Variants in OPCML observed in about 807,000 individuals in gnomAD.
The protein encoded by OPCML is opioid binding protein/cell adhesion molecule like.
OPCML carries 13 observed loss-of-function variants against 37.8 expected under a neutral mutation model. That is an observed-to-expected ratio of 0.34 (90% CI 0.22 to 0.55). The LOEUF (loss-of-function observed/expected upper bound fraction) is 0.55, where lower values mean the gene tolerates loss of function less well. Among genes scored for constraint, OPCML ranks in the 20% least tolerant of loss-of-function variants. The probability of loss-of-function intolerance (pLI) is 0.91; values close to 1 mark genes in which losing one functional copy is unlikely to be tolerated. For missense variants in OPCML, 341 were observed against 435.6 expected, an observed-to-expected ratio of 0.78 and a Z score of 1.93; for synonymous variants, 176 against 168.8, an observed-to-expected ratio of 1.04 and a Z score of -0.33.
At chr11:132,640,258 G>A (rs1940772568) in intron 3 of OPCML, among the ~76,000 whole-genome samples, 1 of 152,144 alleles carries the variant, frequency 6.6e-6, no homozygotes, top group Non-Finnish European at 1.5e-5. Flanking sequence ...CAGTGTGGGT[G>A]GGACTGCAAA....
At chr11:132,870,714 C>G (rs1422110691) in intron 2 of OPCML, among the ~76,000 whole-genome samples, 2 of 152,102 alleles carry the variant, frequency 1.3e-5, no homozygotes, top group Non-Finnish European at 2.9e-5. Flanking sequence ...GATGAAATAC[C>G]ATTTGGCCTT....
chr11:132,624,761 T>C (rs566158079), intron 3 of OPCML, among the ~76,000 whole-genome samples: 5 of 152,128 alleles, frequency 3.3e-5, no homozygotes, highest in Non-Finnish European at 7.4e-5. Context: ...TTCCTGCAGG[T>C]TACCTCATGC....
chr11:133,075,866 A>G (rs1948613522), intron 1 of OPCML, among the ~76,000 whole-genome samples: 1 of 152,202 alleles, frequency 6.6e-6, no homozygotes. Flanking sequence ...ATCTGCAGCA[A>G]TCAAACCTCC....
chr11:133,438,856 C>T (rs544389822), intron 1 of OPCML, among the ~76,000 whole-genome samples: 2 of 152,206 alleles, frequency 1.3e-5, no homozygotes, highest in Admixed American at 6.5e-5. Context: ...TCATGAAAGC[C>T]CCTAAGTATT....
chr11:132,608,642 C>T (rs1021807929), intron 3 of OPCML, among the ~76,000 whole-genome samples: 2 of 152,134 alleles, frequency 1.3e-5, no homozygotes, highest in African/African-American at 4.8e-5. Context: ...GCAAATATGA[C>T]CTGTAGCAGG....
intron 2 of OPCML, among the ~76,000 whole-genome samples, chr11:132,690,786 G>A (rs1475069507): frequency 6.6e-6 from 1 of 152,158 alleles, no homozygotes; most frequent in African/African-American, 2.4e-5. Context: ...CTAAGAAAGA[G>A]GCAGGAACTC....
chr11:132,552,528 G>T (rs950773510), intron 3 of OPCML, among the ~76,000 whole-genome samples: 1 of 152,030 alleles, frequency 6.6e-6, no homozygotes, highest in Admixed American at 6.6e-5. Flanking sequence ...TTTTTTGAAG[G>T]CAACAAATAA....
chr11:133,261,454 C>T lies in OPCML; in HGVS notation c.61+270810G>A, dbSNP rs560959516. ...TCACCTCTGCTCAGCTGGCATCAGACGAAAGAGTGGTGAGGCTGGCACATG... is the reference window on the plus strand; with the variant it reads ...TCACCTCTGCTCAGCTGGCATCAGATGAAAGAGTGGTGAGGCTGGCACATG... On this transcript the variant is annotated intron_variant, in intron 1 of 7. Coordinates refer to ENST00000524381, the MANE Select transcript of OPCML (RefSeq NM_001012393.5). Among the ~76,000 whole-genome samples, 28 of 152,276 alleles carry T rather than the reference C, an allele frequency of 1.8e-4. No homozygotes were observed. The South Asian group carries it at 4.6e-3, about 25-fold the overall frequency.
At chr11:133,413,456 T>C (rs2136873204) in intron 1 of OPCML, among the ~76,000 whole-genome samples, 1 of 151,934 alleles carries the variant, frequency 6.6e-6, no homozygotes, top group East Asian at 1.9e-4. Flanking sequence ...TGTGCACATG[T>C]ACCCTAAAAC....
chr11:133,263,410 A>G (rs1263441094), intron 1 of OPCML, among the ~76,000 whole-genome samples: 2 of 152,274 alleles, frequency 1.3e-5, no homozygotes, highest in Middle Eastern at 3.4e-3. Context: ...AGTGTTCAAT[A>G]CAGTCACTGC....
In OPCML at chr11:133,451,044, A is replaced by G. The variant is rs553214244; in HGVS notation, c.61+81220T>C. 4.6e-4 allele frequency among the ~76,000 whole-genome samples: 70 copies of G among 151,890 alleles called. 2 individuals carry two copies. Among genetic ancestry groups the G allele is most frequent in the African/African-American group, 1.6e-3 (66 of 41,168 alleles). On this transcript the variant is annotated intron_variant, in intron 1 of 7. Coordinates refer to ENST00000524381, the MANE Select transcript of OPCML (RefSeq NM_001012393.5). ...TTATATAACATTTTCTCCCATTTTT[A>G]TATTGAGTGTTTATTTTATGTCTCT...
intron 3 of OPCML, among the ~76,000 whole-genome samples, chr11:132,641,356 T>C (rs559216760): frequency 2.0e-5 from 3 of 152,246 alleles, no homozygotes; most frequent in Admixed American, 6.5e-5. Flanking sequence ...GAGCTGCCAC[T>C]TTCACCTCTT....
intron 1 of OPCML, among the ~76,000 whole-genome samples, chr11:133,322,432 T>C (rs1364142306): frequency 1.3e-5 from 2 of 152,210 alleles, no homozygotes; most frequent in Admixed American, 1.3e-4. Context: ...AAACAAATCG[T>C]CTGGCGATCT....
chr11:133,406,789 A>G (rs1945536199), intron 1 of OPCML, among the ~76,000 whole-genome samples: 1 of 152,248 alleles, frequency 6.6e-6, no homozygotes. Context: ...TTGTGAAATC[A>G]GCACAGTGAG....
chr11:132,426,866 G>A (rs2095979352), intron 7 of OPCML, among the ~76,000 whole-genome samples: 1 of 152,188 alleles, frequency 6.6e-6, no homozygotes. Context: ...TTCAGGGGTG[G>A]CTCACCACCC....
chr11:133,204,746 T>G (rs1442775320), intron 1 of OPCML, among the ~76,000 whole-genome samples: 3 of 151,852 alleles, frequency 2.0e-5, no homozygotes, highest in African/African-American at 7.2e-5. Flanking sequence ...GGCTTTACTG[T>G]AGCTGTTATT....
At chr11:133,399,198 A>C (rs1945348889) in intron 1 of OPCML, among the ~76,000 whole-genome samples, 1 of 152,132 alleles carries the variant, frequency 6.6e-6, no homozygotes. Context: ...CAAAAGGAAA[A>C]ATATCCTCTA....
chr11:133,238,565 A>C (rs1276362709), intron 1 of OPCML, among the ~76,000 whole-genome samples: 1 of 152,178 alleles, frequency 6.6e-6, no homozygotes, highest in Non-Finnish European at 1.5e-5. Flanking sequence ...TTCTGCTGAC[A>C]GCGTTGGCTT....
rs958669970 is a variant in OPCML, at chr11:133,319,183, G to A, written c.61+213081C>T. ...TCACCTAGGATACCAATCAGAAAGA[G>A]TCTGTTCTTTTGGTGTCTTTTAAAA... On this transcript the variant is annotated intron_variant, in intron 1 of 7. Transcript: ENST00000524381. 2.0e-5 allele frequency among the ~76,000 whole-genome samples: 3 copies of A among 152,180 alleles called. No homozygotes were observed. In the South Asian group the frequency reaches 6.2e-4, roughly 32 times the overall value.
Sources: gnomAD v4.1 joint callset for allele counts (sites outside exome capture counted in the v4.1 genomes callset) on GRCh38, gnomAD v4.1.1 for gene constraint, MANE v1.5 for transcripts, NCBI Gene and HGNC (gene_info 2026-07-23, HGNC 2026-07-21) for gene names.